CLDN2: variants seen among roughly 807,000 people sequenced by gnomAD.
CLDN2 encodes the protein claudin 2, also known as claudin-2.
A neutral mutation model predicts 8.2 loss-of-function variants in CLDN2; 1 was observed. The ratio of observed to expected loss-of-function variants is 0.12; its 90% CI spans 0.04 to 0.58. CLDN2 has a LOEUF of 0.58. CLDN2 is among the 20% of genes least tolerant of loss of function. The pLI is 0.90. For missense variants in CLDN2, 108 were observed against 172.9 expected (o/e 0.62, Z 2.11); for synonymous variants, 70 against 70.2 (o/e 1.00, Z 0.01).
chrX:106,900,596 T>C, intron 1 of CLDN2: 1 of 967,835 alleles, frequency 1.0e-6, no homozygotes, highest in Non-Finnish European at 1.4e-6. Flanking sequence ...AACTGATGTC[T>C]GTGAAAACTT....
upstream of CLDN2, among the ~76,000 whole-genome samples, chrX:106,920,145 C>T (rs756308390): frequency 3.6e-5 from 4 of 110,793 alleles, no homozygotes; most frequent in South Asian, 1.2e-3. Context: ...GAGCCCCCTC[C>T]TCTCACCACC....
intron 1 of CLDN2, chrX:106,900,905 G>T (rs1461767682): frequency 8.3e-7 from 1 of 1,208,260 alleles, no homozygotes; most frequent in Non-Finnish European, 1.1e-6. Flanking sequence ...TAGGCCAGAA[G>T]AGCCTGTGGA....
At chrX:106,924,988 G>T (rs1392150155) in intron 1 of CLDN2, among the ~76,000 whole-genome samples, 1 of 110,665 alleles carries the variant, frequency 9.0e-6, no homozygotes, top group Non-Finnish European at 1.9e-5. Flanking sequence ...TCTGGATAAA[G>T]CAGTATGTAA....
At chrX:106,906,612 A>G (rs899998130) in intron 1 of CLDN2, among the ~76,000 whole-genome samples, 3 of 108,586 alleles carry the variant, frequency 2.8e-5, no homozygotes, top group Non-Finnish European at 5.7e-5. Flanking sequence ...GCCATGCCCC[A>G]CTCCCCCCTC....
In CLDN2 at chrX:106,928,190, G is replaced by A. The variant is rs1933496132; in HGVS notation, c.-39G>A. On this transcript the variant is annotated 5_prime_UTR_variant, in exon 2 of 2. Transcript: ENST00000336803. Reference sequence around the variant, plus strand: ...GCAAGAGCTTCAGCCTGAAGACAAGGGAGCAGTCCCTGAAGACGCTTCTAC... The same window carrying A: ...GCAAGAGCTTCAGCCTGAAGACAAGAGAGCAGTCCCTGAAGACGCTTCTAC... The A allele has an allele frequency of 9.5e-7, 1 of 1,050,740 alleles. No individual in the cohort carries two copies. The highest frequency in any genetic ancestry group is 1.3e-6 in the Non-Finnish European group (1 of 762,633). 86.6% of individuals were successfully genotyped at this position (1,050,740 alleles called of 1,213,427 possible).
At chrX:106,906,585 G>C (rs777906799) in intron 1 of CLDN2, among the ~76,000 whole-genome samples, 7 of 111,008 alleles carry the variant, frequency 6.3e-5, no homozygotes, top group Non-Finnish European at 1.3e-4. Flanking sequence ...AGGCCTTCAA[G>C]CGTGAATTAC....
At chrX:106,909,160 T>G (rs941022969) in intron 1 of CLDN2, among the ~76,000 whole-genome samples, 2 of 112,056 alleles carry the variant, frequency 1.8e-5, no homozygotes, top group Non-Finnish European at 3.8e-5. Flanking sequence ...TGTTAAACAT[T>G]TATACGCCAG....
chrX:106,906,415 C>T (rs1933179299), intron 1 of CLDN2, among the ~76,000 whole-genome samples: 1 of 111,362 alleles, frequency 9.0e-6, no homozygotes, highest in Non-Finnish European at 1.9e-5. Context: ...CCCAGCGCCC[C>T]TCAGTCATCC....
At chrX:106,911,114 A>T (rs762045454) in intron 1 of CLDN2, among the ~76,000 whole-genome samples, 1 of 111,809 alleles carries the variant, frequency 8.9e-6, no homozygotes, top group East Asian at 2.8e-4. Context: ...GCCTTCCTCA[A>T]TCTTTTACCA....
chrX:106,907,551 A>G (rs1026000839), intron 1 of CLDN2, among the ~76,000 whole-genome samples: 1 of 109,816 alleles, frequency 9.1e-6, no homozygotes, highest in Admixed American at 9.7e-5. Context: ...AAATACAAAC[A>G]TTAGCCAGGC....
intron 1 of CLDN2, among the ~76,000 whole-genome samples, chrX:106,926,369 T>C (rs778977915): frequency 2.7e-5 from 3 of 111,505 alleles, no homozygotes; most frequent in African/African-American, 9.8e-5. Flanking sequence ...GAAGGGTCTA[T>C]CCTGGAAATT....
intron 1 of CLDN2, among the ~76,000 whole-genome samples, chrX:106,924,909 A>G (rs1351421012): frequency 9.2e-6 from 1 of 108,549 alleles, no homozygotes. Flanking sequence ...TATTTTAGTC[A>G]TATGGAGCCC....
chrX:106,907,521 C>A (rs767666388), intron 1 of CLDN2, among the ~76,000 whole-genome samples: 1 of 110,444 alleles, frequency 9.1e-6, no homozygotes, highest in Admixed American at 9.6e-5. Flanking sequence ...GCCAACATGG[C>A]AAAACCCCAT....
intron 1 of CLDN2, 46 bp downstream of exon 1, chrX:106,920,597 G>A (rs890498905): frequency 1.8e-5 from 2 of 110,931 alleles, no homozygotes; most frequent in Middle Eastern, 9.2e-3. Context: ...TAAATTCACC[G>A]AGGTGGGCAC....
intron 1 of CLDN2, chrX:106,900,525 C>A: frequency 2.1e-6 from 1 of 480,354 alleles, no homozygotes; most frequent in Non-Finnish European, 3.2e-6. Flanking sequence ...GTGAGCTGGG[C>A]AGCTAGATGA....
At chrX:106,908,125 C>T (rs780484808) in intron 1 of CLDN2, among the ~76,000 whole-genome samples, 1 of 111,478 alleles carries the variant, frequency 9.0e-6, no homozygotes, top group Non-Finnish European at 1.9e-5. Flanking sequence ...CCATGTTCTC[C>T]ACTCTTCCAC....
rs1011707010 is a variant in CLDN2, at chrX:106,901,092, G to A, written c.-179+588G>A. Among the ~76,000 whole-genome samples the A allele has an allele frequency of 2.7e-5, 3 of 112,341 alleles. No individual in the cohort carries two copies. In the Admixed American group the frequency reaches 2.8e-4, roughly 11 times the overall value. Reference sequence around the variant, plus strand: ...ATTGTTACAAAGTGGCCCCACGCAGGAAGGTAAACCCTTATGGACCTATAG... The same window carrying A: ...ATTGTTACAAAGTGGCCCCACGCAGAAAGGTAAACCCTTATGGACCTATAG... On this transcript the variant is annotated intron_variant, in intron 1 of 1. Coordinates refer to the CLDN2 transcript ENST00000541806.
intron 1 of CLDN2, among the ~76,000 whole-genome samples, chrX:106,927,831 A>T (rs1157365656): frequency 8.9e-6 from 1 of 112,602 alleles, no homozygotes; most frequent in African/African-American, 3.2e-5. Context: ...CTTCCCGGAA[A>T]GCAGCCACCT....
chrX:106,919,772 C>G (rs955204797), upstream of CLDN2, among the ~76,000 whole-genome samples: 1 of 113,033 alleles, frequency 8.8e-6, no homozygotes, highest in Non-Finnish European at 1.9e-5. Flanking sequence ...GCGTGAGCCA[C>G]TGCACACGGC....
Sources: allele counts gnomAD v4.1 joint callset (sites outside exome capture counted in the v4.1 genomes callset), GRCh38; gene constraint gnomAD v4.1.1; transcripts MANE v1.5; gene names NCBI Gene and HGNC (gene_info 2026-07-23, HGNC 2026-07-21).